LARP1: variants seen among roughly 807,000 people sequenced by gnomAD.
The protein encoded by LARP1 is La ribonucleoprotein 1, translational regulator.
In LARP1, 36 loss-of-function variants were observed where a neutral mutation model predicts 122.7. The observed-to-expected ratio is 0.29, with a 90% CI of 0.22 to 0.39. The LOEUF is 0.39. LARP1 is among the 10% of genes least tolerant of loss of function. The probability of loss-of-function intolerance (pLI) is 1.00; values close to 1 mark genes in which losing one functional copy is unlikely to be tolerated. For synonymous variants in LARP1, 539 were observed against 528.7 expected (o/e 1.02, Z -0.27); for missense variants, 1,040 against 1,403.6 (o/e 0.74, Z 4.14).
chr5:154,753,204 C>G (rs1753596753), upstream of LARP1, among the ~76,000 whole-genome samples: 1 of 152,190 alleles, frequency 6.6e-6, no homozygotes, highest in African/African-American at 2.4e-5. Flanking sequence ...GAACAACTAA[C>G]AATAATAATT....
intron 1 of LARP1, among the ~76,000 whole-genome samples, chr5:154,715,988 G>A (rs1755480983): frequency 6.6e-6 from 1 of 152,164 alleles, no homozygotes; most frequent in Non-Finnish European, 1.5e-5. Context: ...AGCAGTGGCA[G>A]AACTCCGAAT....
intron 1 of LARP1, among the ~76,000 whole-genome samples, chr5:154,781,132 A>G (rs1756390098): frequency 6.6e-6 from 1 of 152,086 alleles, no homozygotes; most frequent in Admixed American, 6.5e-5. Context: ...ACAGGAAGAA[A>G]ACCTCTGAGC....
At chr5:154,812,156 C>T (rs891931798) in intron 18 of LARP1, among the ~76,000 whole-genome samples, 3 of 152,114 alleles carry the variant, frequency 2.0e-5, no homozygotes, top group Non-Finnish European at 2.9e-5. Flanking sequence ...TCTCTGTGCT[C>T]GGTGCTTTAG....
intron 16 of LARP1, among the ~76,000 whole-genome samples, chr5:154,810,779 G>A (rs1438644590): frequency 6.6e-6 from 1 of 152,140 alleles, no homozygotes; most frequent in Non-Finnish European, 1.5e-5. Flanking sequence ...GAGCCACAGC[G>A]CCTGGCCGCA....
intron 1 of LARP1, among the ~76,000 whole-genome samples, chr5:154,774,961 A>G (rs1755751168): frequency 6.6e-6 from 1 of 151,836 alleles, no homozygotes; most frequent in Admixed American, 6.6e-5. Flanking sequence ...ATTTCAGGGA[A>G]AAAAAGAAAA....
At chr5:154,755,361 C>T (rs1274868297), upstream of LARP1, among the ~76,000 whole-genome samples, 1 of 150,514 alleles carries the variant, frequency 6.6e-6, no homozygotes, top group African/African-American at 2.4e-5. Context: ...TGGCTCGCCG[C>T]GCCTCTCCCC....
chr5:154,778,258 T>TTAAAAAAAAA (rs1326085254), intron 1 of LARP1, among the ~76,000 whole-genome samples: 9 of 119,710 alleles, frequency 7.5e-5, no homozygotes, highest in East Asian at 7.1e-4. Context: ...AGACTCCGTC[T>TTAAAAAAAAA]AAAAAAAAAA....
At chr5:154,728,248 T>G (rs2113386537) in intron 1 of LARP1, among the ~76,000 whole-genome samples, 1 of 152,282 alleles carries the variant, frequency 6.6e-6, no homozygotes, top group East Asian at 1.9e-4. Context: ...GCCTGCGGAT[T>G]CCGATGCAAT....
chr5:154,751,690 GCA>G (rs1753500355), upstream of LARP1, among the ~76,000 whole-genome samples: 2 of 152,056 alleles, frequency 1.3e-5, no homozygotes, highest in African/African-American at 4.8e-5. Context: ...GAGAGAAAGA[GCA>G]CAGTCACATA....
chr5:154,817,367 G>A lies in LARP1; in HGVS notation c.*3271G>A, dbSNP rs1158954345. Reference sequence around the variant, plus strand: ...CTTTGCGGAGAAGGTTCCACCTTACGCTCGTAGTACATTATCTTTACTATG... The same window carrying A: ...CTTTGCGGAGAAGGTTCCACCTTACACTCGTAGTACATTATCTTTACTATG... On this transcript the variant is annotated 3_prime_UTR_variant, in exon 19 of 19. Transcript: ENST00000518297. 1 of 152,592 alleles carries A rather than the reference G, an allele frequency of 6.6e-6. No homozygotes were observed. The highest frequency in any genetic ancestry group is 1.5e-5 in the Non-Finnish European group (1 of 68,038). The allele number at this position is 152,592 out of a possible 1,614,324, so 9.5% of individuals were successfully genotyped here. A position where few individuals can be genotyped will look rare whatever the true frequency, so the allele number is the denominator to read the frequency against.
At chr5:154,808,663 T>C (rs997595130) in intron 16 of LARP1, 60 bp downstream of exon 16, 2 of 1,526,006 alleles carry the variant, frequency 1.3e-6, no homozygotes, top group South Asian at 1.2e-5. Flanking sequence ...GGATCCCTAG[T>C]TGGTCTGCTT....
chr5:154,709,144 A>G (rs184642338), upstream of LARP1, among the ~76,000 whole-genome samples: 644 of 152,324 alleles, frequency 4.2e-3, 12 homozygotes, highest in African/African-American at 0.015. Context: ...AGCCTCTCCC[A>G]AAAGTTCATG....
chr5:154,744,387 G>C (rs1753067187), intron 1 of LARP1, among the ~76,000 whole-genome samples: 1 of 152,116 alleles, frequency 6.6e-6, no homozygotes, highest in African/African-American at 2.4e-5. Context: ...TATGGCATTA[G>C]TTTGTGCAGG....
intron 1 of LARP1, among the ~76,000 whole-genome samples, chr5:154,733,629 C>G (rs1756713224): frequency 1.3e-5 from 2 of 151,208 alleles, no homozygotes; most frequent in Non-Finnish European, 2.9e-5. Flanking sequence ...GTGGTGCCAT[C>G]TTGGCTTACT....
intron 1 of LARP1, among the ~76,000 whole-genome samples, chr5:154,757,514 G>C (rs1002526178): frequency 2.6e-5 from 4 of 151,946 alleles, no homozygotes; most frequent in Non-Finnish European, 5.9e-5. Context: ...CTTGCAGTTG[G>C]AATGATGGCC....
intron 7 of LARP1, among the ~76,000 whole-genome samples, chr5:154,794,899 C>T (rs1489989095): frequency 6.6e-6 from 1 of 152,142 alleles, no homozygotes; most frequent in Non-Finnish European, 1.5e-5. Flanking sequence ...AAGTGACCAA[C>T]AATATTTGGA....
chr5:154,705,249 A>T (rs1754896252), intron 1 of LARP1, among the ~76,000 whole-genome samples: 1 of 152,244 alleles, frequency 6.6e-6, no homozygotes, highest in South Asian at 2.1e-4. Flanking sequence ...CCATGATGAG[A>T]TACCAACTTA....
At chr5:154,700,042 C>T (rs1244108167) in intron 1 of LARP1, among the ~76,000 whole-genome samples, 1 of 152,168 alleles carries the variant, frequency 6.6e-6, no homozygotes, top group Non-Finnish European at 1.5e-5. Context: ...CTTTTCCTCT[C>T]TGCCTCCAGC....
At chr5:154,682,995 C>G (rs1337874321) in exon 1 of LARP1, among the ~76,000 whole-genome samples, 1 of 152,232 alleles carries the variant, frequency 6.6e-6, no homozygotes, top group Non-Finnish European at 1.5e-5. Flanking sequence ...TGAGTCATCG[C>G]TGCTGCGGCG....
Sources: gnomAD v4.1 joint callset for allele counts (sites outside exome capture counted in the v4.1 genomes callset) on GRCh38, gnomAD v4.1.1 for gene constraint, MANE v1.5 for transcripts, NCBI Gene and HGNC (gene_info 2026-07-23, HGNC 2026-07-21) for gene names.